AKAP10: variants seen among roughly 807,000 people sequenced by gnomAD.
AKAP10 encodes the protein A-kinase anchoring protein 10.
In AKAP10, 24 loss-of-function variants were observed where a neutral mutation model predicts 80.8. The observed-to-expected ratio is 0.30, with a 90% CI of 0.22 to 0.42. AKAP10 has a LOEUF of 0.42. Ranked by LOEUF, AKAP10 falls within the 10% of genes least tolerant of loss-of-function variation. The probability of loss-of-function intolerance (pLI) is 1.00; values close to 1 mark genes in which losing one functional copy is unlikely to be tolerated. For synonymous variants in AKAP10, 291 were observed against 277.7 expected (o/e 1.05, Z -0.48); for missense variants, 661 against 794.9 (o/e 0.83, Z 2.03).
rs754551841 is a variant in AKAP10 at position 19,926,276 on chromosome 17, T to TA, written c.1642-1760dup. Among the ~76,000 whole-genome samples the TA allele has an allele frequency of 5.4e-3, 712 of 132,646 alleles. 14 individuals carry two copies. In the East Asian group the frequency reaches 0.077, roughly 14 times the overall value. The allele number at this position is 132,646 out of a possible 152,430, so 87.0% of individuals were successfully genotyped here. A position where few individuals can be genotyped will look rare whatever the true frequency, so the allele number is the denominator to read the frequency against. The stretch of plus-strand genomic sequence containing the variant: ...CAATATTCAACACCCTTTCATGATT[T>TA]AAAAAAAAAAAAAAGCCTTAAAAAA... On this transcript the variant is annotated intron_variant, in intron 10 of 14. Transcript: ENST00000225737.
intron 3 of AKAP10, among the ~76,000 whole-genome samples, chr17:19,958,788 TGTTACTCA>T (rs1381937755): frequency 1.3e-5 from 2 of 152,042 alleles, no homozygotes; most frequent in African/African-American, 4.8e-5. Flanking sequence ...AAAAGTTATT[TGTTACTCA>T]ATAATTCTCA....
intron 5 of AKAP10, among the ~76,000 whole-genome samples, chr17:19,946,880 C>T (rs879640979): frequency 8.5e-5 from 13 of 152,070 alleles, no homozygotes; most frequent in Non-Finnish European, 1.6e-4. Context: ...TCCAGGGTGC[C>T]CAGGGACGTC....
chr17:19,922,256 C>A (rs1317563735), intron 11 of AKAP10, among the ~76,000 whole-genome samples: 1 of 152,076 alleles, frequency 6.6e-6, no homozygotes, highest in African/African-American at 2.4e-5. Context: ...ATCAATATAT[C>A]AGTTTATTTT....
At chr17:19,916,876 G>A (rs1422429702) in intron 12 of AKAP10, among the ~76,000 whole-genome samples, 3 of 151,810 alleles carry the variant, frequency 2.0e-5, no homozygotes, top group African/African-American at 7.3e-5. Flanking sequence ...GGCAGAGCTT[G>A]CAGTGAGCCG....
At chr17:19,923,989 G>A (rs1597494862) in intron 11 of AKAP10, among the ~76,000 whole-genome samples, 1 of 152,134 alleles carries the variant, frequency 6.6e-6, no homozygotes, top group East Asian at 1.9e-4. Flanking sequence ...TTTTATGATT[G>A]GATCTGTGGT....
Position 19,909,075 on chromosome 17 carries a change from C to G in AKAP10, c.1983+106G>C, listed in dbSNP as rs539642636. On this transcript the variant is annotated intron_variant, in intron 14 of 14. Coordinates refer to ENST00000225737, the MANE Select transcript of AKAP10 (RefSeq NM_007202.4). ...TTGCTTATGATAAGAAGGTAATCCCCACAGCAGTTAATCCTTCAAAGGCAA... is the reference window on the plus strand; with the variant it reads ...TTGCTTATGATAAGAAGGTAATCCCGACAGCAGTTAATCCTTCAAAGGCAA... 82 of 868,688 alleles carry G rather than the reference C, an allele frequency of 9.4e-5. No individual in the cohort carries two copies. In the African/African-American group the frequency reaches 1.4e-3, roughly 15 times the overall value. The allele number at this position is 868,688 out of a possible 1,614,324, so 53.8% of individuals were successfully genotyped here. A position where few individuals can be genotyped will look rare whatever the true frequency, so the allele number is the denominator to read the frequency against.
In AKAP10 at chr17:19,936,358, G is replaced by A; in HGVS notation, c.1395C>T (p.Ile465=). 6.2e-7 allele frequency: 1 copy of A among 1,613,796 alleles called. No individual in the cohort carries two copies. Among genetic ancestry groups the A allele is most frequent in the Non-Finnish European group, 8.5e-7 (1 of 1,179,750 alleles). ...TGGGGAGTGGCCCACCTTCCCTGCA[G>A]ATATTGGATTCAATTTCTAATCGTA... ...DVVRLEIESN[I]CREGGPLPNC... Residue 465 remains isoleucine, a synonymous_variant, in exon 9 of 15, where the codon ATC becomes ATT. Transcript: ENST00000225737.
At position 19,966,914 on chromosome 17, in the gene AKAP10, G is replaced by A. The variant is rs146428837; in HGVS notation, c.136+1500C>T. On this transcript the variant is annotated intron_variant, in intron 2 of 14. Transcript: ENST00000225737. ...GCCAATCAAGTTTTGCTCAAAGAAG[G>A]CAGTTTGAACTAATGTGGAATCTAA... Among the ~76,000 whole-genome samples the A allele has an allele frequency of 2.5e-3, 386 of 152,108 alleles. 1 individual carries two copies. Among genetic ancestry groups the A allele is most frequent in the African/African-American group, 8.8e-3 (364 of 41,498 alleles).
At chr17:19,950,463 C>A (rs2043187723) in intron 4 of AKAP10, among the ~76,000 whole-genome samples, 1 of 152,216 alleles carries the variant, frequency 6.6e-6, no homozygotes, top group South Asian at 2.1e-4. Flanking sequence ...GCGCACGCCG[C>A]CACACCTGAC....
At position 19,931,837 on chromosome 17, in the gene AKAP10, G is replaced by A. The variant is rs146622968; in HGVS notation, c.1609C>T (p.His537Tyr). 1.7e-5 allele frequency: 27 copies of A among 1,614,006 alleles called. No individual in the cohort carries two copies. In the African/African-American group the frequency reaches 3.1e-4, roughly 18 times the overall value. The part of the protein sequence containing the change: ...PGSVGPPDES[H>Y]PGSSDSSASQ... ...GCAGAGCTGTCAGAACTCCCTGGGT[G>A]AGACTCATCAGGAGGGCCAACAGAG... The change falls in exon 10 of 15, where the codon CAC becomes TAC. Residue 537 changes from histidine to tyrosine, a missense_variant. Transcript: ENST00000225737.
intron 1 of AKAP10, among the ~76,000 whole-genome samples, chr17:19,976,209 G>T (rs2043564018): frequency 6.6e-6 from 1 of 152,130 alleles, no homozygotes; most frequent in Admixed American, 6.5e-5. Context: ...ATTTCTGGCT[G>T]GCCGCGGTGG....
chr17:19,925,131 G>A (rs1045763623), intron 10 of AKAP10, among the ~76,000 whole-genome samples: 2 of 152,008 alleles, frequency 1.3e-5, no homozygotes, highest in African/African-American at 4.8e-5. Flanking sequence ...ACCACTGCAC[G>A]CTGGCCTGGG....
chr17:19,943,076 A>AG (rs1350133133), intron 5 of AKAP10, among the ~76,000 whole-genome samples: 2 of 152,056 alleles, frequency 1.3e-5, no homozygotes, highest in African/African-American at 2.4e-5. Flanking sequence ...ATTTTTTGTA[A>AG]GGGGGTCTCA....
At chr17:19,965,647 A>T (rs1442104068) in intron 2 of AKAP10, among the ~76,000 whole-genome samples, 1 of 152,216 alleles carries the variant, frequency 6.6e-6, no homozygotes, top group Non-Finnish European at 1.5e-5. Context: ...CTTATTCTTC[A>T]ACTTTTATAC....
At chr17:19,939,622 AAC>A in intron 8 of AKAP10, 89 bp downstream of exon 8, 1 of 1,459,136 alleles carries the variant, frequency 6.9e-7, no homozygotes, top group East Asian at 2.3e-5. Flanking sequence ...GCTCCTTGAC[AAC>A]AGAGACTGAG....
chr17:19,909,968 G>A lies in AKAP10; in HGVS notation c.1845C>T (p.Phe615=), dbSNP rs2042671246. 4.3e-6 allele frequency: 7 copies of A among 1,613,312 alleles called. No homozygotes were observed. The highest frequency in any genetic ancestry group is 2.7e-5 in the African/African-American group (2 of 74,840). The change falls in exon 13 of 15, where the codon TTC becomes TTT. Residue 615 remains phenylalanine (F), a synonymous_variant. Transcript: ENST00000225737. Reference sequence around the variant, plus strand: ...GCACCCATTTCTTCATAGCTTGTGAGAACATGGATCCTAGTAAACAAAGAC... The same window carrying A: ...GCACCCATTTCTTCATAGCTTGTGAAAACATGGATCCTAGTAAACAAAGAC... ...PDVRKSKGSM[F]SQAMKKWVQG...
chr17:19,940,802 G>T, intron 7 of AKAP10, 85 bp downstream of exon 7: 1 of 1,418,640 alleles, frequency 7.0e-7, no homozygotes, highest in Non-Finnish European at 9.3e-7. Context: ...GCTCTTCTGT[G>T]TTATTTCCTA....
At chr17:19,967,866 G>C (rs1039417020) in intron 2 of AKAP10, 2 of 151,086 alleles carry the variant, frequency 1.3e-5, no homozygotes, top group African/African-American at 4.9e-5. Flanking sequence ...CTGGGGATAA[G>C]AGCAAGACTC....
intron 12 of AKAP10, among the ~76,000 whole-genome samples, chr17:19,910,206 A>G (rs1219638346): frequency 6.6e-6 from 1 of 151,882 alleles, no homozygotes; most frequent in East Asian, 1.9e-4. Context: ...AGGTGCCTAT[A>G]ATCCCAGCTA....
Sources: allele counts gnomAD v4.1 joint callset (sites outside exome capture counted in the v4.1 genomes callset), GRCh38; gene constraint gnomAD v4.1.1; transcripts MANE v1.5; gene names NCBI Gene and HGNC (gene_info 2026-07-23, HGNC 2026-07-21).